Variants in OGDH observed in about 807,000 individuals in gnomAD.
The protein encoded by OGDH is 2-oxoglutarate dehydrogenase complex component E1.
OGDH carries 38 observed loss-of-function variants against 116.6 expected under a neutral mutation model. The ratio of observed to expected loss-of-function variants is 0.33; its 90% confidence interval spans 0.25 to 0.43. OGDH has a LOEUF of 0.43. OGDH is among the 20% of genes least tolerant of loss of function. The probability of loss-of-function intolerance (pLI) is 1.00; values close to 1 mark genes in which losing one functional copy is unlikely to be tolerated. For synonymous variants in OGDH, 488 were observed against 533.3 expected, an observed-to-expected ratio of 0.92 and a Z score of 1.17; for missense variants, 825 against 1,357.2, an observed-to-expected ratio of 0.61 and a Z score of 6.16.
intron 9 of OGDH, among the ~76,000 whole-genome samples, chr7:44,678,224 G>A (rs981959554): frequency 2.0e-5 from 3 of 152,134 alleles, no homozygotes; most frequent in Non-Finnish European, 4.4e-5. Context: ...CTGGGCTAAG[G>A]TGAGATCGGC....
chr7:44,652,044 G>C (rs1786471413), intron 4 of OGDH, among the ~76,000 whole-genome samples: 1 of 151,774 alleles, frequency 6.6e-6, no homozygotes, highest in South Asian at 2.1e-4. Flanking sequence ...ATTAATTTTA[G>C]AACAGTTTCT....
intron 9 of OGDH, chr7:44,676,590 ATATG>A: frequency 5.2e-6 from 1 of 191,014 alleles, no homozygotes; most frequent in East Asian, 1.4e-4. Context: ...AAATATATGT[ATATG>A]TATGTATGTG....
chr7:44,705,274 G>A (rs942484060), intron 20 of OGDH, among the ~76,000 whole-genome samples: 2 of 147,242 alleles, frequency 1.4e-5, no homozygotes, highest in Non-Finnish European at 3.0e-5. Context: ...GGATGGTCTC[G>A]ATCTCCTGAC....
chr7:44,705,304 G>C (rs927895850), intron 20 of OGDH, among the ~76,000 whole-genome samples: 1 of 143,768 alleles, frequency 7.0e-6, no homozygotes, highest in Non-Finnish European at 1.5e-5. Flanking sequence ...CGCCCGCCTC[G>C]GCCTCCCAAA....
Position 44,708,036 on chromosome 7 carries a change from AC to A in OGDH, c.*38del, listed in dbSNP as rs757375676. ...GGTTGCTTGGGCCACTGCCCTCTCC[AC>A]ACCCATGACTGCCCCTTGCTTCTCA... On this transcript the variant is annotated 3_prime_UTR_variant, in exon 23 of 23. Coordinates refer to ENST00000222673, the MANE Select transcript of OGDH (RefSeq NM_002541.4). 7 of 1,598,708 alleles carry A rather than the reference AC, an allele frequency of 4.4e-6. No individual in the cohort carries two copies. In the South Asian group the frequency reaches 7.8e-5, roughly 18 times the overall value.
At chr7:44,629,968 G>A (rs1785367908) in intron 2 of OGDH, among the ~76,000 whole-genome samples, 1 of 152,104 alleles carries the variant, frequency 6.6e-6, no homozygotes, top group Admixed American at 6.5e-5. Flanking sequence ...CAGGAGGGAG[G>A]GTCTCTATGC....
chr7:44,674,021 C>A, intron 6 of OGDH, 80 bp downstream of exon 6: 2 of 1,556,350 alleles, frequency 1.3e-6, no homozygotes, highest in South Asian at 1.1e-5. Context: ...GGCCTGTGTG[C>A]AGCCTGTTGG....
intron 2 of OGDH, among the ~76,000 whole-genome samples, chr7:44,633,486 A>G (rs770482135): frequency 1.1e-4 from 16 of 152,086 alleles, no homozygotes; most frequent in Non-Finnish European, 1.9e-4. Flanking sequence ...TTTTAGATGA[A>G]GTCATCATGT....
chr7:44,695,390 C>G (rs1788536194), intron 12 of OGDH, among the ~76,000 whole-genome samples: 1 of 152,174 alleles, frequency 6.6e-6, no homozygotes, highest in African/African-American at 2.4e-5. Flanking sequence ...GCCACTGCGC[C>G]TGGCCTGGAC....
At chr7:44,614,113 CT>C (rs1407893435) in intron 1 of OGDH, among the ~76,000 whole-genome samples, 1 of 151,682 alleles carries the variant, frequency 6.6e-6, no homozygotes, top group Admixed American at 6.6e-5. Flanking sequence ...GCCTAGCTGT[CT>C]TTTTAAAATT....
rs912163441 is a variant in OGDH, at chr7:44,701,635, G to A, written c.2632+20G>A. 1.2e-6 allele frequency: 2 copies of A among 1,609,964 alleles called. No individual in the cohort carries two copies. Among genetic ancestry groups the A allele is most frequent in the Non-Finnish European group, 1.7e-6 (2 of 1,176,416 alleles). On this transcript the variant is annotated intron_variant, in intron 20 of 22. Transcript: ENST00000222673. ...TTCCAGGTGGGTGTGAGGGAGATGG[G>A]CATTTCCTTGGGGGAAGCTATGTTT...
At position 44,666,821 on chromosome 7, in the gene OGDH, TC is replaced by T; in HGVS notation, c.605del (p.Pro202LeufsTer79). The T allele has an allele frequency of 6.2e-7, 1 of 1,612,398 alleles. No individual in the cohort carries two copies. The highest frequency in any genetic ancestry group is 8.5e-7 in the Non-Finnish European group (1 of 1,179,168). Reference sequence around the variant, plus strand: ...TCATCGGGGGACAGGAATCAGCACTTCCTCTGCGGGAGATCATCCGTCGGCT... The same window carrying T: ...TCATCGGGGGACAGGAATCAGCACTTCTCTGCGGGAGATCATCCGTCGGCT... ...TFIGGQESAL[P>X]LREIIRRLEM... On this transcript the variant is annotated frameshift_variant, in exon 5 of 23. Coordinates refer to ENST00000222673, the MANE Select transcript of OGDH (RefSeq NM_002541.4). LOFTEE classifies it high-confidence loss of function.
intron 2 of OGDH, among the ~76,000 whole-genome samples, chr7:44,628,235 A>G (rs1785284167): frequency 6.6e-6 from 1 of 152,202 alleles, no homozygotes; most frequent in South Asian, 2.1e-4. Context: ...CTAACTGTTA[A>G]GTAATTGTTT....
chr7:44,642,018 C>G (rs1785964219), intron 2 of OGDH, among the ~76,000 whole-genome samples: 1 of 152,170 alleles, frequency 6.6e-6, no homozygotes, highest in Non-Finnish European at 1.5e-5. Flanking sequence ...TGGAGGAGAA[C>G]ACTGAGTTTT....
chr7:44,698,087 A>G (rs1788664973), intron 17 of OGDH, 105 bp from the exon 18 acceptor site: 1 of 1,342,220 alleles, frequency 7.5e-7, no homozygotes, highest in East Asian at 2.3e-5. Context: ...GCCATCAAGA[A>G]AAAAGATAAC....
At chr7:44,649,927 G>A (rs752841843) in intron 4 of OGDH, among the ~76,000 whole-genome samples, 23 of 152,158 alleles carry the variant, frequency 1.5e-4, no homozygotes, top group Admixed American at 2.6e-4. Flanking sequence ...ATCATGGTGA[G>A]GGTGAGAGGA....
At chr7:44,618,497 G>A (rs1439827795) in intron 1 of OGDH, among the ~76,000 whole-genome samples, 5 of 152,094 alleles carry the variant, frequency 3.3e-5, no homozygotes, top group East Asian at 1.9e-4. Context: ...TATTATTATC[G>A]TATATGGGTT....
intron 4 of OGDH, among the ~76,000 whole-genome samples, chr7:44,657,459 C>G (rs2115936767): frequency 6.6e-6 from 1 of 152,254 alleles, no homozygotes; most frequent in Middle Eastern, 3.4e-3. Flanking sequence ...GAGTAGTATT[C>G]CATGGTGTGG....
intron 20 of OGDH, among the ~76,000 whole-genome samples, 195 bp downstream of exon 20, chr7:44,701,810 A>C (rs1788843366): frequency 6.6e-6 from 1 of 152,184 alleles, no homozygotes; most frequent in South Asian, 2.1e-4. Flanking sequence ...TGGGAGGCCG[A>C]GGCAGGCAGA....
Sources: allele counts gnomAD v4.1 joint callset (sites outside exome capture counted in the v4.1 genomes callset), GRCh38; gene constraint gnomAD v4.1.1; transcripts MANE v1.5; gene names NCBI Gene and HGNC (gene_info 2026-07-23, HGNC 2026-07-21).